MEMO1: variants seen among roughly 807,000 people sequenced by gnomAD.
The protein encoded by MEMO1 is mediator of cell motility 1.
In MEMO1, 6 loss-of-function variants were observed where a neutral mutation model predicts 45.2. That is an observed-to-expected ratio of 0.13 (90% CI 0.07 to 0.26). MEMO1 has a LOEUF of 0.26. Ranked by LOEUF, MEMO1 falls within the 10% of genes least tolerant of loss-of-function variation. MEMO1 has a pLI of 1.00. For missense variants in MEMO1, 184 were observed against 370.5 expected (o/e 0.50, Z 4.13); for synonymous variants, 78 against 124.3 (o/e 0.63, Z 2.48).
intron 6 of MEMO1, among the ~76,000 whole-genome samples, chr2:31,897,862 G>C (rs1019599578): frequency 1.3e-5 from 2 of 151,936 alleles, no homozygotes; most frequent in African/African-American, 4.8e-5. Flanking sequence ...TTTTTGGTTG[G>C]TAGGCTATTA....
Position 31,970,018 on chromosome 2 carries a change from C to G in MEMO1, c.62-26635G>C, listed in dbSNP as rs539786007. ...ACAGAATCTTGCTCTCTTGCCCAGG[C>G]TGGAGTGCAGTGGCGCCATCTCAGT... On this transcript the variant is annotated intron_variant, in intron 2 of 9. Coordinates refer to ENST00000404530, the MANE Select transcript of MEMO1 (RefSeq NM_001301833.4). Among the ~76,000 whole-genome samples the G allele has an allele frequency of 7.9e-5, 12 of 152,238 alleles. No individual in the cohort carries two copies. In the South Asian group the frequency reaches 2.5e-3, roughly 32 times the overall value.
intron 2 of MEMO1, among the ~76,000 whole-genome samples, chr2:31,958,983 T>G (rs986775352): frequency 2.6e-5 from 4 of 152,160 alleles, no homozygotes; most frequent in Non-Finnish European, 5.9e-5. Context: ...ACTAGAACTG[T>G]GTGCCTAAAT....
chr2:31,889,133 G>A (rs1369070048), intron 7 of MEMO1, among the ~76,000 whole-genome samples: 1 of 152,016 alleles, frequency 6.6e-6, no homozygotes, highest in Non-Finnish European at 1.5e-5. Flanking sequence ...CAAAAGGTAG[G>A]CACAATATAG....
intron 2 of MEMO1, among the ~76,000 whole-genome samples, chr2:31,948,044 GTAGGACTGA>G (rs1666388902): frequency 1.3e-5 from 2 of 152,180 alleles, no homozygotes; most frequent in Non-Finnish European, 2.9e-5. Flanking sequence ...CAGTTATACA[GTAGGACTGA>G]GATTCTGCAT....
intron 6 of MEMO1, among the ~76,000 whole-genome samples, chr2:31,895,577 T>C (rs1487737027): frequency 6.6e-6 from 1 of 151,786 alleles, no homozygotes; most frequent in African/African-American, 2.4e-5. Flanking sequence ...AATTAACCAA[T>C]CAGAACAGAG....
Position 31,892,008 on chromosome 2 carries a change from A to C in MEMO1, c.564T>G (p.Ser188=). The change falls in exon 7 of 10, where the codon TCT becomes TCG. Residue 188 remains serine, a synonymous_variant. Coordinates refer to ENST00000404530, the MANE Select transcript of MEMO1 (RefSeq NM_001301833.4). ...AGAACTTACCCCAATGGCAGAAATC[A>C]GAAGAAACCACAAAGAGATTACTAG... ...ADPSNLFVVS[S]DFCHWGQRFR... is the part of the protein sequence containing the mutation. 6.2e-7 allele frequency: 1 copy of C among 1,611,456 alleles called. No homozygotes were observed.
chr2:31,920,991 C>T, intron 4 of MEMO1, 81 bp from the exon 5 acceptor site: 1 of 925,788 alleles, frequency 1.1e-6, no homozygotes, highest in Non-Finnish European at 1.7e-6. Flanking sequence ...AAAAGTAATT[C>T]TTACAAATCA....
intron 2 of MEMO1, among the ~76,000 whole-genome samples, chr2:31,977,920 C>T (rs567860777): frequency 1.3e-5 from 2 of 152,212 alleles, no homozygotes; most frequent in Admixed American, 6.5e-5. Flanking sequence ...AGTAAACATA[C>T]ATGGTTAATA....
intron 4 of MEMO1, among the ~76,000 whole-genome samples, chr2:31,926,187 T>G (rs1296713168): frequency 6.6e-6 from 1 of 151,948 alleles, no homozygotes; most frequent in Non-Finnish European, 1.5e-5. Context: ...AGCAACATAG[T>G]GAGACCACAT....
At chr2:31,973,125 AC>A (rs918438683) in intron 2 of MEMO1, among the ~76,000 whole-genome samples, 2 of 152,128 alleles carry the variant, frequency 1.3e-5, no homozygotes, top group Non-Finnish European at 2.9e-5. Context: ...ATTGCCACTG[AC>A]CCACCAATTC....
chr2:31,999,882 ATTTTT>A (rs5830219), intron 2 of MEMO1, among the ~76,000 whole-genome samples: 4 of 123,114 alleles, frequency 3.2e-5, no homozygotes, highest in African/African-American at 6.2e-5. Context: ...TGCATCAGGC[ATTTTT>A]TTTTTTTTTT....
intron 7 of MEMO1, among the ~76,000 whole-genome samples, chr2:31,891,135 G>T (rs187875367): frequency 1.3e-5 from 2 of 152,120 alleles, no homozygotes; most frequent in South Asian, 2.1e-4. Flanking sequence ...CTATTCTAGC[G>T]TTGTATCTTA....
chr2:31,886,733 T>C (rs1407609338), intron 7 of MEMO1, among the ~76,000 whole-genome samples: 3 of 152,196 alleles, frequency 2.0e-5, no homozygotes, highest in African/African-American at 7.2e-5. Flanking sequence ...AACTGGACTT[T>C]TGTACTTTTT....
chr2:31,927,305 C>T (rs371870816), intron 4 of MEMO1, among the ~76,000 whole-genome samples: 8 of 152,252 alleles, frequency 5.3e-5, no homozygotes, highest in African/African-American at 1.9e-4. Flanking sequence ...GGTGACAGAG[C>T]AAGACTTTGT....
chr2:31,927,178 G>A (rs981187648), intron 4 of MEMO1, among the ~76,000 whole-genome samples: 3 of 152,012 alleles, frequency 2.0e-5, no homozygotes, highest in African/African-American at 7.2e-5. Context: ...AAATTAGCTG[G>A]GCATGGTGGC....
At position 31,990,753 on chromosome 2, in the gene MEMO1, A is replaced by G. The variant is rs561295234; in HGVS notation, c.61+19434T>C. Among the ~76,000 whole-genome samples the G allele has an allele frequency of 2.6e-5, 4 of 152,080 alleles. No homozygotes were observed. In the South Asian group the frequency reaches 8.3e-4, roughly 32 times the overall value. The stretch of plus-strand genomic sequence containing the variant: ...CTTCTCAGTTTTAGTTTCTGATTTG[A>G]TATCTAGTGATATACATAACCCACA... On this transcript the variant is annotated intron_variant, in intron 2 of 9. Coordinates refer to ENST00000404530, the MANE Select transcript of MEMO1 (RefSeq NM_001301833.4).
At chr2:31,870,888 G>A (rs1467875844) in intron 8 of MEMO1, among the ~76,000 whole-genome samples, 16 of 151,904 alleles carry the variant, frequency 1.1e-4, no homozygotes, top group Admixed American at 1.1e-3. Flanking sequence ...TACAACACAG[G>A]TCTCTTATGA....
chr2:31,941,065 T>C (rs1438882021), intron 3 of MEMO1, among the ~76,000 whole-genome samples: 1 of 152,176 alleles, frequency 6.6e-6, no homozygotes, highest in African/African-American at 2.4e-5. Context: ...CTAAGTCAGA[T>C]CATGTCATTC....
At chr2:31,941,922 G>C (rs1214153063) in intron 3 of MEMO1, among the ~76,000 whole-genome samples, 1 of 152,072 alleles carries the variant, frequency 6.6e-6, no homozygotes, top group Non-Finnish European at 1.5e-5. Context: ...TTCTGATATT[G>C]ATTAAAAACG....
Sources: allele counts gnomAD v4.1 joint callset (sites outside exome capture counted in the v4.1 genomes callset), GRCh38; gene constraint gnomAD v4.1.1; transcripts MANE v1.5; gene names NCBI Gene and HGNC (gene_info 2026-07-23, HGNC 2026-07-21).